The following ZPBP variants were observed in gnomAD, a reference collection of about 807,000 sequenced individuals.
ZPBP encodes zona pellucida binding protein.
Under a neutral mutation model 44.8 loss-of-function variants are expected in ZPBP, and 26 were observed. The observed-to-expected ratio is 0.58, with a 90% CI of 0.43 to 0.81. The LOEUF (loss-of-function observed/expected upper bound fraction) is 0.81, where lower values mean the gene tolerates loss of function less well. Among genes scored for constraint, ZPBP ranks in the 30% least tolerant of loss-of-function variants. ZPBP has a pLI of 0.00. For synonymous variants in ZPBP, 174 were observed against 153.2 expected, an observed-to-expected ratio of 1.14 and a Z score of -1.00; for missense variants, 409 against 434.0, an observed-to-expected ratio of 0.94 and a Z score of 0.51.
chr7:50,055,585 C>T (rs1416687156), intron 4 of ZPBP, among the ~76,000 whole-genome samples: 1 of 152,102 alleles, frequency 6.6e-6, no homozygotes, highest in Non-Finnish European at 1.5e-5. Context: ...ACTCTGTTTC[C>T]TTACATTTAC....
At chr7:50,026,657 G>A (rs984551652) in intron 5 of ZPBP, among the ~76,000 whole-genome samples, 2 of 151,842 alleles carry the variant, frequency 1.3e-5, no homozygotes, top group Non-Finnish European at 2.9e-5. Context: ...AATTAGCTAT[G>A]AGCTAAAGGT....
chr7:49,996,966 C>T (rs918839349), intron 6 of ZPBP, among the ~76,000 whole-genome samples: 1 of 152,200 alleles, frequency 6.6e-6, no homozygotes, highest in Admixed American at 6.5e-5. Flanking sequence ...ACTTCCGTTG[C>T]ATTTAGGCTT....
At position 49,946,575 on chromosome 7, in the gene ZPBP, T is replaced by C. The variant is rs201001349; in HGVS notation, c.962-8953A>G. On this transcript the variant is annotated intron_variant, in intron 7 of 7. Coordinates refer to ENST00000046087, the MANE Select transcript of ZPBP (RefSeq NM_007009.3). Reference sequence around the variant, plus strand: ...CTGAGAAGTCTGCTCACAAATGTACTGGAGCTCCATTGTATGTTGTTTCTT... The same window carrying C: ...CTGAGAAGTCTGCTCACAAATGTACCGGAGCTCCATTGTATGTTGTTTCTT... 3.3e-5 allele frequency among the ~76,000 whole-genome samples: 5 copies of C among 152,290 alleles called. No individual in the cohort carries two copies. In the East Asian group the frequency reaches 9.6e-4, roughly 29 times the overall value.
At chr7:50,060,157 C>A (rs554852735) in intron 3 of ZPBP, among the ~76,000 whole-genome samples, 239 of 152,168 alleles carry the variant, frequency 1.6e-3, no homozygotes, top group Non-Finnish European at 2.4e-3. Context: ...ATCCTAGCTA[C>A]AGGAGAACCC....
chr7:50,005,821 A>ATGTGTGTGTG (rs1384784137), intron 6 of ZPBP, among the ~76,000 whole-genome samples: 3 of 105,912 alleles, frequency 2.8e-5, no homozygotes, highest in Admixed American at 1.1e-4. Context: ...TCATAACTAT[A>ATGTGTGTGTG]TATGTGTGTG....
intron 6 of ZPBP, among the ~76,000 whole-genome samples, chr7:50,007,392 A>T (rs1798357357): frequency 6.6e-6 from 1 of 152,050 alleles, no homozygotes; most frequent in African/African-American, 2.4e-5. Flanking sequence ...TTGAATCAGT[A>T]ACAAAAAACT....
chr7:49,952,426 C>G (rs1240792239), intron 7 of ZPBP, among the ~76,000 whole-genome samples: 1 of 151,900 alleles, frequency 6.6e-6, no homozygotes, highest in African/African-American at 2.4e-5. Flanking sequence ...ACAATATATA[C>G]AAAGAACTCC....
intron 1 of ZPBP, chr7:49,917,737 G>T (rs1191064282): frequency 6.6e-6 from 1 of 151,902 alleles, no homozygotes; most frequent in Non-Finnish European, 1.5e-5. Context: ...GTATTTAGAT[G>T]ATTAATATTT....
intron 2 of ZPBP, among the ~76,000 whole-genome samples, chr7:49,869,346 A>G (rs1414891210): frequency 6.6e-6 from 1 of 152,194 alleles, no homozygotes; most frequent in Non-Finnish European, 1.5e-5. Context: ...AATACTGAAC[A>G]AGGTCTGAAA....
intron 2 of ZPBP, among the ~76,000 whole-genome samples, chr7:49,882,324 C>T (rs968498913): frequency 6.6e-6 from 1 of 152,122 alleles, no homozygotes; most frequent in Non-Finnish European, 1.5e-5. Context: ...AATGTTAGCA[C>T]ATGGCAATAA....
chr7:49,996,889 C>A (rs1797872170), intron 6 of ZPBP, among the ~76,000 whole-genome samples: 1 of 152,176 alleles, frequency 6.6e-6, no homozygotes, highest in South Asian at 2.1e-4. Context: ...ACTATGCCCA[C>A]CTTGCCTTTG....
At chr7:49,996,381 G>A (rs765613854) in intron 6 of ZPBP, among the ~76,000 whole-genome samples, 2 of 152,092 alleles carry the variant, frequency 1.3e-5, no homozygotes, top group Non-Finnish European at 1.5e-5. Context: ...CTGACTACCC[G>A]ACCTCCACAC....
At chr7:49,928,750 T>C (rs911873069) in intron 1 of ZPBP, among the ~76,000 whole-genome samples, 7 of 152,006 alleles carry the variant, frequency 4.6e-5, no homozygotes, top group Admixed American at 2.0e-4. Context: ...GATGGAAGAG[T>C]GCTGCTATGC....
At chr7:49,865,440 G>A (rs1583706340) in intron 2 of ZPBP, among the ~76,000 whole-genome samples, 1 of 152,226 alleles carries the variant, frequency 6.6e-6, no homozygotes, top group Non-Finnish European at 1.5e-5. Context: ...AAACGTAGTG[G>A]CTTCAAGTAA....
intron 7 of ZPBP, among the ~76,000 whole-genome samples, chr7:49,959,756 T>C (rs2128763681): frequency 6.6e-6 from 1 of 152,250 alleles, no homozygotes; most frequent in South Asian, 2.1e-4. Context: ...AATTCTAAAA[T>C]GCATACAATA....
intron 1 of ZPBP, among the ~76,000 whole-genome samples, chr7:49,905,472 C>CA (rs1438856805): frequency 6.6e-6 from 1 of 152,226 alleles, no homozygotes; most frequent in African/African-American, 2.4e-5. Flanking sequence ...AGCAAGTTTA[C>CA]ATTCCCTCTT....
chr7:49,963,446 A>G (rs1795938516), intron 7 of ZPBP, among the ~76,000 whole-genome samples: 1 of 151,856 alleles, frequency 6.6e-6, no homozygotes, highest in African/African-American at 2.4e-5. Flanking sequence ...TGTTCATACA[A>G]CTTTATTCAC....
chr7:49,910,235 C>T (rs1389203556), intron 1 of ZPBP, among the ~76,000 whole-genome samples: 2 of 152,150 alleles, frequency 1.3e-5, no homozygotes, highest in African/African-American at 2.4e-5. Flanking sequence ...TGGGCGAACT[C>T]GAAAACCACC....
chr7:50,039,042 G>A lies in ZPBP; in HGVS notation c.488-7732C>T, dbSNP rs140351841. On this transcript the variant is annotated intron_variant, in intron 4 of 7. Transcript: ENST00000046087. ...AATGTGAAGTTTCTGACAAAAATTT[G>A]TAAAACACGTAAGGAAACGGGACAT... 1.6e-3 allele frequency among the ~76,000 whole-genome samples: 250 copies of A among 152,228 alleles called. 3 individuals carry two copies. The highest frequency in any genetic ancestry group is 5.6e-3 in the African/African-American group (233 of 41,546).
Sources: allele counts gnomAD v4.1 joint callset (sites outside exome capture counted in the v4.1 genomes callset), GRCh38; gene constraint gnomAD v4.1.1; transcripts MANE v1.5; gene names NCBI Gene and HGNC (gene_info 2026-07-23, HGNC 2026-07-21).